ACAP2: variants seen among roughly 807,000 people sequenced by gnomAD.
ACAP2 encodes the protein arf-GAP with coiled-coil, ANK repeat and PH domain-containing protein 2.
Under a neutral mutation model 115.8 loss-of-function variants are expected in ACAP2, and 39 were observed. That is an observed-to-expected ratio of 0.34 (90% CI 0.26 to 0.44). The LOEUF (loss-of-function observed/expected upper bound fraction) is 0.44, where lower values mean the gene tolerates loss of function less well. ACAP2 is among the 20% of genes least tolerant of loss of function. The probability of loss-of-function intolerance (pLI) is 1.00; values close to 1 mark genes in which losing one functional copy is unlikely to be tolerated. For synonymous variants in ACAP2, 289 were observed against 315.8 expected (o/e 0.92, Z 0.90); for missense variants, 662 against 927.6 (o/e 0.71, Z 3.72).
chr3:195,367,714 T>A (rs1732824897), intron 4 of ACAP2, among the ~76,000 whole-genome samples: 1 of 152,156 alleles, frequency 6.6e-6, no homozygotes, highest in Non-Finnish European at 1.5e-5. Flanking sequence ...AGGCCAACTA[T>A]CACATTAAGA....
intron 4 of ACAP2, among the ~76,000 whole-genome samples, chr3:195,362,215 C>T (rs540638157): frequency 1.3e-5 from 2 of 151,382 alleles, no homozygotes; most frequent in Non-Finnish European, 2.9e-5. Context: ...ACTCAGGAGG[C>T]TGAGGCAGGA....
At chr3:195,280,714 T>G (rs528065722) in intron 22 of ACAP2, 22 of 152,248 alleles carry the variant, frequency 1.4e-4, no homozygotes, top group African/African-American at 4.6e-4. Context: ...CATGAGAAAC[T>G]AAATATACAC....
At chr3:195,409,618 G>A (rs889639722) in intron 1 of ACAP2, among the ~76,000 whole-genome samples, 3 of 152,090 alleles carry the variant, frequency 2.0e-5, no homozygotes, top group African/African-American at 7.2e-5. Context: ...GCTCACGCCT[G>A]TAATCTCAGC....
intron 22 of ACAP2, among the ~76,000 whole-genome samples, chr3:195,281,066 G>C (rs571977941): frequency 2.6e-5 from 4 of 152,132 alleles, no homozygotes; most frequent in African/African-American, 9.7e-5. Flanking sequence ...TAAAGATCTA[G>C]TAAAAAGGTC....
intron 1 of ACAP2, among the ~76,000 whole-genome samples, chr3:195,407,514 C>A (rs1055385441): frequency 1.8e-4 from 27 of 152,222 alleles, no homozygotes; most frequent in African/African-American, 5.8e-4. Context: ...TGAGACAAGC[C>A]TGGGCAACAT....
chr3:195,379,458 T>TCAACAA (rs762499348), intron 4 of ACAP2, among the ~76,000 whole-genome samples: 97 of 151,726 alleles, frequency 6.4e-4, no homozygotes, highest in African/African-American at 2.2e-3. Context: ...CAAGTGTAAG[T>TCAACAA]CAACAACAAC....
intron 4 of ACAP2, among the ~76,000 whole-genome samples, chr3:195,375,841 C>T (rs530207634): frequency 1.3e-5 from 2 of 152,192 alleles, no homozygotes; most frequent in South Asian, 2.1e-4. Flanking sequence ...AAGAGTCATA[C>T]ATGTTCATAG....
intron 1 of ACAP2, among the ~76,000 whole-genome samples, chr3:195,439,519 CA>C (rs1329345164): frequency 6.6e-6 from 1 of 152,082 alleles, no homozygotes; most frequent in East Asian, 1.9e-4. Context: ...AAAAATCTTT[CA>C]TAATTCAGAA....
At chr3:195,356,440 G>A (rs1375354746) in intron 4 of ACAP2, among the ~76,000 whole-genome samples, 1 of 152,156 alleles carries the variant, frequency 6.6e-6, no homozygotes, top group Non-Finnish European at 1.5e-5. Context: ...AAGTTGTAGT[G>A]CTGGGCTGGG....
At chr3:195,349,310 C>T (rs1418337094) in intron 4 of ACAP2, among the ~76,000 whole-genome samples, 3 of 151,940 alleles carry the variant, frequency 2.0e-5, no homozygotes, top group East Asian at 1.9e-4. Context: ...GGAGAAACCC[C>T]GTCTCTACTA....
chr3:195,415,396 C>T (rs1445357500), intron 1 of ACAP2, among the ~76,000 whole-genome samples: 1 of 151,822 alleles, frequency 6.6e-6, no homozygotes, highest in African/African-American at 2.4e-5. Flanking sequence ...CCTGCCTCAG[C>T]CTCCCGAGTA....
At chr3:195,427,189 T>C (rs753647258) in intron 1 of ACAP2, among the ~76,000 whole-genome samples, 37 of 152,194 alleles carry the variant, frequency 2.4e-4, no homozygotes, top group Non-Finnish European at 2.2e-4. Context: ...CCCTTTGAAA[T>C]TGGAGAAGGC....
intron 4 of ACAP2, among the ~76,000 whole-genome samples, chr3:195,365,967 G>C (rs1732691909): frequency 6.6e-6 from 1 of 151,598 alleles, no homozygotes; most frequent in East Asian, 1.9e-4. Flanking sequence ...TCAGCCTCCT[G>C]AGTAGCTGGG....
intron 22 of ACAP2, 72 bp downstream of exon 22, chr3:195,285,724 G>A: frequency 4.0e-6 from 5 of 1,261,914 alleles, no homozygotes; most frequent in Non-Finnish European, 5.7e-6. Context: ...GAATCTTCCA[G>A]TTGTAAACTG....
At chr3:195,442,390 G>T in intron 1 of ACAP2, 2 of 261,854 alleles carry the variant, frequency 7.6e-6, no homozygotes, top group Non-Finnish European at 1.5e-5. Context: ...GGGTGGGGAG[G>T]GGGTGGAAAC....
chr3:195,365,269 G>A (rs1210583516), intron 4 of ACAP2, among the ~76,000 whole-genome samples: 1 of 151,958 alleles, frequency 6.6e-6, no homozygotes, highest in East Asian at 1.9e-4. Flanking sequence ...AAAATAACAA[G>A]GTGTATAACT....
intron 20 of ACAP2, among the ~76,000 whole-genome samples, chr3:195,291,481 G>A (rs1440125521): frequency 6.6e-6 from 1 of 152,166 alleles, no homozygotes; most frequent in Non-Finnish European, 1.5e-5. Flanking sequence ...TTAATGACAA[G>A]TTAAGGTCAA....
chr3:195,391,210 C>T (rs1734647839), intron 2 of ACAP2, among the ~76,000 whole-genome samples: 2 of 147,954 alleles, frequency 1.4e-5, no homozygotes, highest in South Asian at 4.3e-4. Flanking sequence ...GTAGAAAATA[C>T]AGAAAAAGCT....
At chr3:195,281,602 G>A (rs1189964325) in intron 22 of ACAP2, among the ~76,000 whole-genome samples, 1 of 152,088 alleles carries the variant, frequency 6.6e-6, no homozygotes, top group Admixed American at 6.5e-5. Flanking sequence ...TTATTAACAG[G>A]TGGCTGAGAG....
Sources: allele counts gnomAD v4.1 joint callset (sites outside exome capture counted in the v4.1 genomes callset), GRCh38; gene constraint gnomAD v4.1.1; transcripts MANE v1.5; gene names NCBI Gene and HGNC (gene_info 2026-07-23, HGNC 2026-07-21).